The following GCFC2 variants were observed in gnomAD, a reference collection of about 807,000 sequenced individuals.
GCFC2 encodes intron Large complex component GCFC2.
A neutral mutation model predicts 99.4 loss-of-function variants in GCFC2; 102 were observed. The observed-to-expected ratio is 1.03, with a 90% CI of 0.87 to 1.21. GCFC2 has a LOEUF of 1.21. Among genes scored for constraint, GCFC2 ranks in the 50% most tolerant of loss-of-function variants. The pLI is 0.00. For synonymous variants in GCFC2, 338 were observed against 316.8 expected (o/e 1.07, Z -0.71); for missense variants, 973 against 920.9 (o/e 1.06, Z -0.73).
intron 2 of GCFC2, among the ~76,000 whole-genome samples, chr2:75,705,051 T>G (rs1231489387): frequency 3.3e-5 from 5 of 152,190 alleles, no homozygotes; most frequent in Admixed American, 3.3e-4. Context: ...AAAAATTCAA[T>G]TTCTCAGTCT....
chr2:75,673,549 T>C (rs1372996091), intron 12 of GCFC2, 29 bp from the exon 13 acceptor site: 7 of 914,682 alleles, frequency 7.7e-6, no homozygotes, highest in Admixed American at 1.9e-5. Context: ...AAAGCATCAG[T>C]GATAGAAGAT....
At position 75,696,292 on chromosome 2, in the gene GCFC2, A is replaced by ACAGGAAAGATC. The variant is rs771479741; in HGVS notation, c.730_740dup (p.Cys247TrpfsTer12). On this transcript the variant is annotated frameshift_variant, in exon 5 of 17. Coordinates refer to ENST00000321027, the MANE Select transcript of GCFC2 (RefSeq NM_003203.5). LOFTEE classifies it high-confidence loss of function. ...TCTTCACTTTTGAAGATCCATTGCC[A>ACAGGAAAGATC]CAGGAAAGATCTATGTCTCTTTCCT... 15 of 1,403,866 alleles carry ACAGGAAAGATC rather than the reference A, an allele frequency of 1.1e-5. No individual in the cohort carries two copies. In the East Asian group the frequency reaches 3.4e-4, roughly 32 times the overall value. 87.0% of individuals were successfully genotyped at this position (1,403,866 alleles called of 1,614,324 possible). A position where few individuals can be genotyped will look rare whatever the true frequency, so the allele number is the denominator to read the frequency against.
At chr2:75,695,677 A>G (rs998508727) in intron 5 of GCFC2, among the ~76,000 whole-genome samples, 8 of 152,188 alleles carry the variant, frequency 5.3e-5, no homozygotes, top group African/African-American at 1.9e-4. Flanking sequence ...TTTAATTTAT[A>G]TATTACATAC....
rs973040337 is a variant in GCFC2 at position 75,663,594 on chromosome 2, C to T, written c.*1072G>A. The T allele has an allele frequency of 2.0e-5, 3 of 152,146 alleles. No individual in the cohort carries two copies. Among genetic ancestry groups the T allele is most frequent in the African/African-American group, 4.8e-5 (2 of 41,420 alleles). 9.4% of individuals were successfully genotyped at this position (152,146 alleles called of 1,614,324 possible). On this transcript the variant is annotated 3_prime_UTR_variant, in exon 17 of 17. Coordinates refer to ENST00000321027, the MANE Select transcript of GCFC2 (RefSeq NM_003203.5). The stretch of plus-strand genomic sequence containing the variant: ...AAAAGAAAGGCCAAACATGGTTGCT[C>T]AAGCCTGTAATCCCAGCACTTTGGG...
At chr2:75,681,032 C>G (rs1679551980) in intron 11 of GCFC2, among the ~76,000 whole-genome samples, 1 of 152,210 alleles carries the variant, frequency 6.6e-6, no homozygotes, top group Admixed American at 6.5e-5. Flanking sequence ...GAACACTGTC[C>G]TTCCACTTTG....
At position 75,670,569 on chromosome 2, in the gene GCFC2, T is replaced by G. The variant is rs541846049; in HGVS notation, c.1957-285A>C. The G allele has an allele frequency of 2.1e-5, 5 of 236,166 alleles. No homozygotes were observed. In the East Asian group the frequency reaches 2.5e-4, roughly 12 times the overall value. The allele number at this position is 236,166 out of a possible 1,614,324, so 14.6% of individuals were successfully genotyped here. ...AATAATCTTCCTTCCCAATCCATTT[T>G]CTCTCAAAGCCGGGGGCCATCAAGT... On this transcript the variant is annotated intron_variant, in intron 14 of 16. Coordinates refer to ENST00000321027, the MANE Select transcript of GCFC2 (RefSeq NM_003203.5).
chr2:75,699,384 G>A (rs1219626190), intron 4 of GCFC2, among the ~76,000 whole-genome samples: 2 of 152,248 alleles, frequency 1.3e-5, no homozygotes, highest in South Asian at 2.1e-4. Flanking sequence ...AAATTACCAA[G>A]ACACTAACAT....
intron 12 of GCFC2, chr2:75,679,786 AT>A: frequency 2.5e-6 from 1 of 399,884 alleles, no homozygotes; most frequent in Non-Finnish European, 4.4e-6. Context: ...GCCAGTGTAT[AT>A]TCATAATCCT....
chr2:75,666,124 G>C, intron 15 of GCFC2, 71 bp from the exon 16 acceptor site: 4 of 1,143,828 alleles, frequency 3.5e-6, no homozygotes, highest in Non-Finnish European at 5.0e-6. Flanking sequence ...TAATCTCATA[G>C]TGATACTGTA....
At chr2:75,674,570 G>A (rs1679258168) in intron 12 of GCFC2, among the ~76,000 whole-genome samples, 2 of 151,834 alleles carry the variant, frequency 1.3e-5, no homozygotes, top group South Asian at 4.1e-4. Context: ...AAGACAATGA[G>A]TGTTTATTTT....
chr2:75,686,487 A>C (rs1679822637), intron 11 of GCFC2, among the ~76,000 whole-genome samples: 1 of 152,190 alleles, frequency 6.6e-6, no homozygotes, highest in Admixed American at 6.5e-5. Flanking sequence ...TCATGCCTAT[A>C]ATCCCAGTGC....
chr2:75,710,847 G>C lies in GCFC2; in HGVS notation c.9C>G (p.His3Gln). 6.4e-7 allele frequency: 1 copy of C among 1,571,370 alleles called. No individual in the cohort carries two copies. Among genetic ancestry groups the C allele is most frequent in the South Asian group, 1.1e-5 (1 of 87,588 alleles). Residue 3 changes from histidine to glutamine, a missense_variant, in exon 1 of 17, where the codon CAC becomes CAG. Coordinates refer to ENST00000321027, the MANE Select transcript of GCFC2 (RefSeq NM_003203.5). ...GCTGCCGAAAAGTCCTTTTCGGCCT[G>C]TGAGCCATGGCCGAGGCCCGAGCGC... MAHRPKRTFRQRA... is the reference protein window; with the variant it reads MAQRPKRTFRQRA...
rs532030470 is a variant in GCFC2, at chr2:75,662,868, C to T, written c.*1798G>A. 1 of 129,470 alleles carries T rather than the reference C, an allele frequency of 7.7e-6. No homozygotes were observed. The highest frequency in any genetic ancestry group is 2.3e-4 in the East Asian group (1 of 4,272). 8.0% of individuals were successfully genotyped at this position (129,470 alleles called of 1,614,324 possible). On this transcript the variant is annotated 3_prime_UTR_variant, in exon 17 of 17. Transcript: ENST00000321027. Reference sequence around the variant, plus strand: ...TGTGTACTTAAATAGAAAAAAATTACAAATTTCATGTGCAATAAAGTGTCT... The same window carrying T: ...TGTGTACTTAAATAGAAAAAAATTATAAATTTCATGTGCAATAAAGTGTCT...
intron 16 of GCFC2, 58 bp from the exon 17 acceptor site, chr2:75,664,841 C>A: frequency 1.3e-6 from 1 of 778,114 alleles, no homozygotes. Flanking sequence ...GAACAGCGGT[C>A]AATTCAGAAC....
rs768007297 is a variant in GCFC2, at chr2:75,670,202, C to T, written c.2039G>A (p.Arg680His). ...QELGLGKLLNRYLIIALLNAT... is the reference protein window; with the variant it reads ...QELGLGKLLNHYLIIALLNAT... ...ATTGAGAAGTGCTATAATAAGGTAA[C>T]GATTTAGCAGCTTCCCTAGTCCTAG... is the stretch of plus-strand genomic sequence containing the variant. The change falls in exon 15 of 17, where the codon CGT (arginine) becomes CAT (histidine). Residue 680 changes from arginine (R) to histidine (H), a missense_variant. Transcript: ENST00000321027. 7 of 1,605,588 alleles carry T rather than the reference C, an allele frequency of 4.4e-6. No homozygotes were observed. The highest frequency in any genetic ancestry group is 3.3e-5 in the South Asian group (3 of 90,938).
rs34937719 is a variant in GCFC2, at chr2:75,690,960, T to C, written c.1145-241A>G. Reference sequence around the variant, plus strand: ...TTTGGCTGGTGTACTTTTGCTGTTGTTGAGAACAGCAACAAAGTTCTACCA... The same window carrying C: ...TTTGGCTGGTGTACTTTTGCTGTTGCTGAGAACAGCAACAAAGTTCTACCA... On this transcript the variant is annotated intron_variant, in intron 7 of 16. Coordinates refer to ENST00000321027, the MANE Select transcript of GCFC2 (RefSeq NM_003203.5). 36,424 of 351,776 alleles carry C rather than the reference T, an allele frequency of 0.1. 2,056 individuals are homozygous for C. Among genetic ancestry groups the C allele is most frequent in the Non-Finnish European group, 0.13 (25,214 of 194,628 alleles). 21.8% of individuals were successfully genotyped at this position (351,776 alleles called of 1,614,324 possible).
At chr2:75,684,514 C>A (rs946539515) in intron 11 of GCFC2, among the ~76,000 whole-genome samples, 1 of 152,136 alleles carries the variant, frequency 6.6e-6, no homozygotes, top group Non-Finnish European at 1.5e-5. Context: ...TAAATGCCCA[C>A]AACAGAAAGC....
chr2:75,677,961 G>T (rs1679421860), intron 12 of GCFC2, among the ~76,000 whole-genome samples: 1 of 150,108 alleles, frequency 6.7e-6, no homozygotes, highest in East Asian at 2.0e-4. Flanking sequence ...CTGGGTGACA[G>T]AGCAAGACTC....
In GCFC2 at chr2:75,690,677, T is replaced by A. The variant is rs1011404327; in HGVS notation, c.1187A>T (p.Glu396Val). Reference sequence around the variant, plus strand: ...CTCTTCTAAAATCCACTGAGTTTTTTCATCTACTGAGAAGTTTCCACTTGT... The same window carrying A: ...CTCTTCTAAAATCCACTGAGTTTTTACATCTACTGAGAAGTTTCCACTTGT... ...TSTSGNFSVD[E>V]KTQWILEEIE... is the part of the protein sequence containing the mutation. Residue 396 changes from glutamate to valine, a missense_variant, in exon 8 of 17, where the codon GAA (glutamate) becomes GTA (valine). Glu to Val is a moderately radical substitution (Grantham distance 121). Coordinates refer to ENST00000321027, the MANE Select transcript of GCFC2 (RefSeq NM_003203.5). The A allele has an allele frequency of 4.5e-5, 70 of 1,569,738 alleles. No homozygotes were observed. Among genetic ancestry groups the A allele is most frequent in the Non-Finnish European group, 5.9e-5 (68 of 1,143,258 alleles).
Sources: allele counts gnomAD v4.1 joint callset (sites outside exome capture counted in the v4.1 genomes callset), GRCh38; gene constraint gnomAD v4.1.1; transcripts MANE v1.5; gene names NCBI Gene and HGNC (gene_info 2026-07-23, HGNC 2026-07-21).